The following PES1 variants were observed in gnomAD, a reference collection of about 807,000 sequenced individuals.
PES1 encodes the protein pescadillo homolog.
Under a neutral mutation model 77.1 loss-of-function variants are expected in PES1, and 31 were observed. The observed-to-expected ratio is 0.40, with a 90% CI of 0.30 to 0.54. PES1 has a LOEUF of 0.54. Ranked by LOEUF, PES1 falls within the 20% of genes least tolerant of loss-of-function variation. PES1 has a pLI of 0.45. For synonymous variants in PES1, 282 were observed against 303.0 expected (o/e 0.93, Z 0.72); for missense variants, 658 against 771.7 (o/e 0.85, Z 1.75).
intron 1 of PES1, among the ~76,000 whole-genome samples, chr22:30,590,672 G>C (rs1035412678): frequency 2.2e-4 from 33 of 152,122 alleles, no homozygotes; most frequent in Admixed American, 1.2e-3. Context: ...GGTATGTGCT[G>C]GGGGGAGGAG....
Position 30,581,359 on chromosome 22 carries a change from G to A in PES1, c.797C>T (p.Ala266Val), listed in dbSNP as rs537835882. ...AEAKAGEGTY[A>V]LDSESCMEKL... is the part of the protein sequence containing the mutation. ...CTCCATACAACTCTCGGAGTCCAACGCGTAGGTGCCCTCACCGGCCTTTGC... is the reference window on the plus strand; with the variant it reads ...CTCCATACAACTCTCGGAGTCCAACACGTAGGTGCCCTCACCGGCCTTTGC... The change falls in exon 8 of 15, where the codon GCG (alanine) becomes GTG (valine). Residue 266 changes from alanine to valine, a missense_variant. Physicochemically the swap from Ala to Val is moderately conservative, Grantham distance 64. Transcript: ENST00000354694. 42 of 1,613,794 alleles carry A rather than the reference G, an allele frequency of 2.6e-5. No individual in the cohort carries two copies. Among genetic ancestry groups the A allele is most frequent in the South Asian group, 1.4e-4 (13 of 91,090 alleles).
intron 2 of PES1, among the ~76,000 whole-genome samples, chr22:30,601,155 C>T (rs1249103298): frequency 6.6e-6 from 1 of 151,974 alleles, no homozygotes; most frequent in South Asian, 2.1e-4. Flanking sequence ...ACAAACCTGC[C>T]TAGATTCAAA....
Position 30,588,052 on chromosome 22 carries a change from T to A in PES1, c.227A>T (p.Glu76Val). The A allele has an allele frequency of 1.2e-6, 2 of 1,614,096 alleles. No individual in the cohort carries two copies. Among genetic ancestry groups the A allele is most frequent in the South Asian group, 2.2e-5 (2 of 91,078 alleles). Residue 76 changes from glutamate to valine, a missense_variant, in exon 3 of 15, where the codon GAA (glutamate) becomes GTA (valine). Coordinates refer to ENST00000354694, the MANE Select transcript of PES1 (RefSeq NM_014303.4). ...LIKDIRFLLH[E>V]PIVNKFREYK... ...TTCACGGAACTTGTTGACAATGGGTTCGTGGAGGAGAAACCTGATGTCTTT... is the reference window on the plus strand; with the variant it reads ...TTCACGGAACTTGTTGACAATGGGTACGTGGAGGAGAAACCTGATGTCTTT...
intron 2 of PES1, among the ~76,000 whole-genome samples, chr22:30,604,776 A>G (rs1009691288): frequency 3.3e-5 from 5 of 151,946 alleles, no homozygotes; most frequent in Non-Finnish European, 5.9e-5. Flanking sequence ...AGTTTTCACC[A>G]CAAATAGAAA....
At chr22:30,604,270 A>G (rs1032416410) in intron 2 of PES1, among the ~76,000 whole-genome samples, 2 of 152,202 alleles carry the variant, frequency 1.3e-5, no homozygotes, top group Admixed American at 6.6e-5. Flanking sequence ...TTAGGGGGAA[A>G]AATATAAATA....
At chr22:30,605,404 C>T (rs2087423703) in intron 2 of PES1, 1 of 973,196 alleles carries the variant, frequency 1.0e-6, no homozygotes. Context: ...TACTTCGACA[C>T]CCTAACTACC....
At position 30,605,747 on chromosome 22, in the gene PES1, A is replaced by G. The variant is rs537881497; in HGVS notation, c.-717-230T>C. The stretch of plus-strand genomic sequence containing the variant: ...GGCCACATCCAGCCTTTCTGACTGG[A>G]CAACCTATCATTTAAAATTTTCAAG... On this transcript the variant is annotated intron_variant, in intron 1 of 16. Coordinates refer to the PES1 transcript ENST00000402281. Among the ~76,000 whole-genome samples, 4 of 152,294 alleles carry G rather than the reference A, an allele frequency of 2.6e-5. No individual in the cohort carries two copies. The East Asian group carries it at 7.7e-4, about 29-fold the overall frequency.
rs1035820338 is a variant in PES1 at position 30,606,892 on chromosome 22, C to T, written c.-801G>A. ...CCAGGGGCTCCTTTGGTAAGGAGTACCGGGTAGGCACCCGGTCCTGCCAAT... is the reference window on the plus strand; with the variant it reads ...CCAGGGGCTCCTTTGGTAAGGAGTATCGGGTAGGCACCCGGTCCTGCCAAT... On this transcript the variant is annotated 5_prime_UTR_variant, in exon 1 of 17. Transcript: ENST00000402281. 11 of 1,058,430 alleles carry T rather than the reference C, an allele frequency of 1.0e-5. No homozygotes were observed. In the Admixed American group the frequency reaches 3.0e-4, roughly 29 times the overall value. 65.6% of individuals were successfully genotyped at this position (1,058,430 alleles called of 1,614,324 possible).
intron 2 of PES1, among the ~76,000 whole-genome samples, chr22:30,601,070 G>A (rs1398009934): frequency 4.6e-5 from 7 of 152,200 alleles, no homozygotes; most frequent in African/African-American, 1.7e-4. Flanking sequence ...AGTGAGCAAG[G>A]TGGAAGTTGC....
upstream of PES1, among the ~76,000 whole-genome samples, chr22:30,595,204 T>G (rs543631451): frequency 6.6e-6 from 1 of 152,014 alleles, no homozygotes; most frequent in South Asian, 2.1e-4. Context: ...AGGGTCTGGG[T>G]AAGTCCTATC....
chr22:30,587,830 C>T lies in PES1; in HGVS notation c.258+191G>A, dbSNP rs9621035. 6.4e-3 allele frequency among the ~76,000 whole-genome samples: 978 copies of T among 152,286 alleles called. 22 individuals are homozygous for T. Among genetic ancestry groups the T allele is most frequent in the Middle Eastern group, 0.02 (6 of 294 alleles). On this transcript the variant is annotated intron_variant, in intron 3 of 14. Coordinates refer to ENST00000354694, the MANE Select transcript of PES1 (RefSeq NM_014303.4). Reference sequence around the variant, plus strand: ...CACTGAGACACCCAGAAAAATGCAACGGAGTCCTGTTTTGGGGCCAGGTCC... The same window carrying T: ...CACTGAGACACCCAGAAAAATGCAATGGAGTCCTGTTTTGGGGCCAGGTCC...
intron 14 of PES1, among the ~76,000 whole-genome samples, chr22:30,577,874 C>G (rs982778747): frequency 6.6e-6 from 1 of 152,230 alleles, no homozygotes; most frequent in African/African-American, 2.4e-5. Flanking sequence ...AAGAGGCGGG[C>G]AGGAACATGC....
intron 6 of PES1, 82 bp from the exon 7 acceptor site, chr22:30,581,726 G>T: frequency 1.1e-6 from 1 of 946,368 alleles, no homozygotes; most frequent in Non-Finnish European, 1.7e-6. Flanking sequence ...AGAGTGGAGG[G>T]TGTCTGACCT....
At chr22:30,595,538 CA>C (rs377364940), upstream of PES1, among the ~76,000 whole-genome samples, 22,815 of 80,150 alleles carry the variant, frequency 0.28, 1,466 homozygotes, top group Middle Eastern at 0.34. Context: ...GACAGTGTCT[CA>C]AAAAAAAAAA....
At position 30,589,254 on chromosome 22, in the gene PES1, G is replaced by A. The variant is rs1246215816; in HGVS notation, c.41C>T (p.Ala14Val). The change falls in exon 2 of 15, where the codon GCC (alanine) becomes GTC (valine). Residue 14 changes from alanine to valine, a missense_variant. By Grantham distance (64) the Ala-to-Val change is moderately conservative. Coordinates refer to ENST00000354694, the MANE Select transcript of PES1 (RefSeq NM_014303.4). ...LEKKKYERGS[A>V]TNYITRNKAR... ...TTTGTTCCGGGTGATGTAGTTGGTG[G>A]CCGAGCCTCGTTCATACTGGGAGAG... 1 of 1,613,688 alleles carries A rather than the reference G, an allele frequency of 6.2e-7. No homozygotes were observed. The highest frequency in any genetic ancestry group is 1.7e-5 in the Admixed American group (1 of 59,966).
Position 30,578,845 on chromosome 22 carries a change from T to A in PES1, c.1675A>T (p.Ile559Phe), listed in dbSNP as rs765221411. 1.2e-6 allele frequency: 2 copies of A among 1,612,250 alleles called. No individual in the cohort carries two copies. The highest frequency in any genetic ancestry group is 3.3e-5 in the Admixed American group (2 of 60,022). Residue 559 changes from isoleucine to phenylalanine, a missense_variant, in exon 14 of 15, where the codon ATC (isoleucine) becomes TTC (phenylalanine). Physicochemically the swap from Ile to Phe is conservative, Grantham distance 21. Coordinates refer to ENST00000354694, the MANE Select transcript of PES1 (RefSeq NM_014303.4). ...QKIMFGKRRK[I>F]REANKLAEKR... is the part of the protein sequence containing the mutation. ...GGGTGGCAAGAACTCACCTCTCGGA[T>A]TTTTCGCCTCTTGCCAAACATGATC...
intron 1 of PES1, among the ~76,000 whole-genome samples, chr22:30,589,642 T>C (rs553194807): frequency 1.3e-5 from 2 of 151,326 alleles, no homozygotes; most frequent in African/African-American, 4.9e-5. Context: ...CCATTTCACA[T>C]AGGAGAAAAC....
intron 2 of PES1, among the ~76,000 whole-genome samples, chr22:30,601,280 A>C (rs547824102): frequency 6.6e-6 from 1 of 152,174 alleles, no homozygotes; most frequent in Non-Finnish European, 1.5e-5. Flanking sequence ...CATCCTCTTT[A>C]TCTCTCTTAA....
At chr22:30,598,158 T>C (rs990975330) in intron 2 of PES1, among the ~76,000 whole-genome samples, 2 of 152,216 alleles carry the variant, frequency 1.3e-5, no homozygotes, top group Non-Finnish European at 1.5e-5. Flanking sequence ...TTACTGCTGC[T>C]CACTTTTTGG....
Sources: allele counts gnomAD v4.1 joint callset (sites outside exome capture counted in the v4.1 genomes callset), GRCh38; gene constraint gnomAD v4.1.1; transcripts MANE v1.5; gene names NCBI Gene and HGNC (gene_info 2026-07-23, HGNC 2026-07-21).